Variants in BIRC6 observed in about 807,000 individuals in gnomAD.
The protein encoded by BIRC6 is dual E2 ubiquitin-conjugating enzyme/E3 ubiquitin-protein ligase BIRC6.
Under a neutral mutation model 503.3 loss-of-function variants are expected in BIRC6, and 98 were observed. The observed-to-expected ratio is 0.19, with a 90% CI of 0.17 to 0.23. BIRC6 has a LOEUF of 0.23. Among genes scored for constraint, BIRC6 ranks in the 10% least tolerant of loss-of-function variants. The pLI, the probability that BIRC6 is intolerant of heterozygous loss-of-function variation, is 1.00. For synonymous variants in BIRC6, 2,240 were observed against 2,078.7 expected, an observed-to-expected ratio of 1.08 and a Z score of -2.11; for missense variants, 5,360 against 5,806.0, an observed-to-expected ratio of 0.92 and a Z score of 2.50.
chr2:32,465,138 C>A lies in BIRC6; in HGVS notation c.5330C>A (p.Ser1777Tyr). 1 of 1,593,542 alleles carries A rather than the reference C, an allele frequency of 6.3e-7. No individual in the cohort carries two copies. The highest frequency in any genetic ancestry group is 8.6e-7 in the Non-Finnish European group (1 of 1,167,306). Residue 1777 changes from serine (S) to tyrosine (Y), a missense_variant, in exon 26 of 74, where the codon TCC (serine) becomes TAC (tyrosine). By Grantham distance (144) the Ser-to-Tyr change is moderately radical. Transcript: ENST00000421745. ...TTTCTTCAACCTCCGCCTCACCAGT[C>A]CATTATTATAGAGCGAATGCATTCA... The part of the protein sequence containing the change: ...SHFLQPPPHQ[S>Y]IIIERMHSGA...
intron 61 of BIRC6, among the ~76,000 whole-genome samples, chr2:32,541,451 CTACA>C (rs1180999881): frequency 1.3e-5 from 2 of 152,022 alleles, no homozygotes; most frequent in Non-Finnish European, 2.9e-5. Context: ...CTTAAGACTT[CTACA>C]TATATATGTA....
chr2:32,505,083 G>A lies in BIRC6; in HGVS notation c.9578G>A (p.Arg3193His). The change falls in exon 50 of 74, where the codon CGC (arginine) becomes CAC (histidine). Residue 3193 changes from arginine to histidine, a missense_variant. Physicochemically the swap from Arg to His is conservative, Grantham distance 29 (BLOSUM62 0). Transcript: ENST00000421745. ...GCCACACCTCCTCACAGAAGAGCTC[G>A]CTCTGCTGCTTGGTCCTACATCTTT... ...LQATPPHRRARSAAWSYIFLP... is the reference protein window; with the variant it reads ...LQATPPHRRAHSAAWSYIFLP... 1 of 1,612,954 alleles carries A rather than the reference G, an allele frequency of 6.2e-7. No individual in the cohort carries two copies. The highest frequency in any genetic ancestry group is 8.5e-7 in the Non-Finnish European group (1 of 1,179,448).
chr2:32,519,060 G>A lies in BIRC6; in HGVS notation c.11623+114G>A. On this transcript the variant is annotated intron_variant, in intron 57 of 73. Coordinates refer to ENST00000421745, the MANE Select transcript of BIRC6 (RefSeq NM_016252.4). ...CCACTTTGCAACCATTGATGACTAG[G>A]AAAGTTCAAGACATCTTTATAGTTT... 4 of 1,006,958 alleles carry A rather than the reference G, an allele frequency of 4.0e-6. No homozygotes were observed. In the South Asian group the frequency reaches 5.1e-5, roughly 13 times the overall value. The allele number at this position is 1,006,958 out of a possible 1,614,324, so 62.4% of individuals were successfully genotyped here.
intron 73 of BIRC6, 55 bp from the exon 74 acceptor site, chr2:32,617,670 T>C: frequency 6.6e-7 from 1 of 1,525,286 alleles, no homozygotes; most frequent in Non-Finnish European, 8.9e-7. Context: ...CTGCCTCAAA[T>C]GATGTTGTGC....
intron 63 of BIRC6, among the ~76,000 whole-genome samples, chr2:32,547,390 AT>A (rs1262130963): frequency 1.3e-5 from 2 of 152,144 alleles, no homozygotes; most frequent in Non-Finnish European, 2.9e-5. Context: ...GCCCCTGGCA[AT>A]TACCAGTCTG....
At chr2:32,492,748 C>G (rs1326523600) in intron 44 of BIRC6, among the ~76,000 whole-genome samples, 1 of 151,736 alleles carries the variant, frequency 6.6e-6, no homozygotes, top group Non-Finnish European at 1.5e-5. Flanking sequence ...CTACTGATAC[C>G]TTGGTTTTAT....
intron 45 of BIRC6, among the ~76,000 whole-genome samples, chr2:32,494,631 G>A (rs2052205030): frequency 6.6e-6 from 1 of 152,016 alleles, no homozygotes. Context: ...GCTGGGCTCA[G>A]TGGCTCACGC....
chr2:32,515,329 G>C lies in BIRC6; in HGVS notation c.10908G>C (p.Val3636=), dbSNP rs751713660. The part of the protein sequence containing the change: ...LLDSGLPSLL[V]RSLASFCFSH... ...ACTCAGGTTTGCCTTCTCTTCTTGT[G>C]AGGAGTCTGGCTAGTTTCTGCTTTA... Residue 3636 remains valine, a synonymous_variant, in exon 55 of 74, where the codon GTG becomes GTC. Coordinates refer to ENST00000421745, the MANE Select transcript of BIRC6 (RefSeq NM_016252.4). 2 of 1,613,826 alleles carry C rather than the reference G, an allele frequency of 1.2e-6. No individual in the cohort carries two copies. The highest frequency in any genetic ancestry group is 2.2e-5 in the South Asian group (2 of 91,082).
chr2:32,478,563 T>TCAGTGTTAA (rs1416749278), intron 35 of BIRC6, 72 bp from the exon 36 acceptor site: 2 of 1,357,540 alleles, frequency 1.5e-6, no homozygotes, highest in African/African-American at 2.9e-5. Context: ...AAAGTATTGG[T>TCAGTGTTAA]AGACTTCTGT....
chr2:32,573,819 C>G (rs1332737132), intron 65 of BIRC6, among the ~76,000 whole-genome samples: 1 of 152,092 alleles, frequency 6.6e-6, no homozygotes, highest in African/African-American at 2.4e-5. Flanking sequence ...TTCGTTTTCA[C>G]AAAAGATAAA....
intron 37 of BIRC6, 123 bp from the exon 38 acceptor site, chr2:32,481,197 G>T (rs915547430): frequency 2.5e-6 from 2 of 798,974 alleles, no homozygotes; most frequent in South Asian, 2.9e-5. Context: ...TGCATACATA[G>T]AGTTTTTTTT....
chr2:32,501,690 G>A (rs2053215888), intron 46 of BIRC6, 23 bp from the exon 47 acceptor site: 1 of 1,596,224 alleles, frequency 6.3e-7, no homozygotes, highest in African/African-American at 1.4e-5. Context: ...TACTTTTAAT[G>A]TGGTATCTTT....
intron 61 of BIRC6, among the ~76,000 whole-genome samples, chr2:32,541,703 A>G (rs1297353333): frequency 6.6e-6 from 1 of 152,164 alleles, no homozygotes; most frequent in Admixed American, 6.5e-5. Flanking sequence ...GTCAAGCAAG[A>G]TAAGTAGAGT....
Position 32,503,046 on chromosome 2 carries a change from T to C in BIRC6, c.9309T>C (p.Gly3103=). The C allele has an allele frequency of 6.3e-7, 1 of 1,583,062 alleles. No homozygotes were observed. Among genetic ancestry groups the C allele is most frequent in the Non-Finnish European group, 8.6e-7 (1 of 1,164,104 alleles). Reference sequence around the variant, plus strand: ...TCATATTCTTTATAAATTTAGGTGGTGTTCAGCTCATATGCAATAATATGG... The same window carrying C: ...TCATATTCTTTATAAATTTAGGTGGCGTTCAGCTCATATGCAATAATATGG... ...DALKAFHDMG[G]VQLICNNMVT... The change falls in exon 49 of 74, where the codon GGT becomes GGC. Residue 3103 remains glycine (G), a synonymous_variant. Transcript: ENST00000421745.
chr2:32,617,854 C>A lies in BIRC6; in HGVS notation c.14524C>A (p.Gln4842Lys). The A allele has an allele frequency of 6.2e-7, 1 of 1,613,912 alleles. No homozygotes were observed. The highest frequency in any genetic ancestry group is 8.5e-7 in the Non-Finnish European group (1 of 1,179,838). The change falls in exon 74 of 74, where the codon CAG becomes AAG. Residue 4842 changes from glutamine (Q) to lysine (K), a missense_variant. Gln to Lys is a moderately conservative substitution (Grantham distance 53, BLOSUM62 1). Coordinates refer to ENST00000421745, the MANE Select transcript of BIRC6 (RefSeq NM_016252.4). ...TGCTGAGGAGACTCTAATGCATGAT[C>A]AGGTTAAACCCAGCAGCAGCAAAGA... ...TGAEETLMHD[Q>K]VKPSSSKELP...
chr2:32,547,208 A>G (rs1011974590), intron 63 of BIRC6, among the ~76,000 whole-genome samples: 1 of 152,168 alleles, frequency 6.6e-6, no homozygotes, highest in Admixed American at 6.5e-5. Flanking sequence ...TCATATCTGT[A>G]TTCTTTTCAC....
At chr2:32,532,190 C>G in intron 61 of BIRC6, 1 of 436,898 alleles carries the variant, frequency 2.3e-6, no homozygotes, top group Non-Finnish European at 4.7e-6. Context: ...GGTATAGTAG[C>G]TCTAGACTCT....
rs774046463 is a variant in BIRC6 at position 32,415,514 on chromosome 2, C to T, written c.2223C>T (p.Asp741=). 20 of 1,613,874 alleles carry T rather than the reference C, an allele frequency of 1.2e-5. No homozygotes were observed. The highest frequency in any genetic ancestry group is 6.7e-5 in the Admixed American group (4 of 59,996). ...LCIDSITPCA[D]GIHLLVGLRT... ...TAGACTCAATAACTCCTTGTGCTGA[C>T]GGAATTCATTTGTTGGTAGGACTGC... Residue 741 remains aspartate, a synonymous_variant, in exon 10 of 74, where the codon GAC becomes GAT. Transcript: ENST00000421745.
chr2:32,359,701 A>T (rs926013153), intron 1 of BIRC6, among the ~76,000 whole-genome samples: 1 of 152,048 alleles, frequency 6.6e-6, no homozygotes, highest in African/African-American at 2.4e-5. Flanking sequence ...AAACATTTTC[A>T]TATATGAGAA....
Sources: gnomAD v4.1 joint callset for allele counts (sites outside exome capture counted in the v4.1 genomes callset) on GRCh38, gnomAD v4.1.1 for gene constraint, MANE v1.5 for transcripts, NCBI Gene and HGNC (gene_info 2026-07-23, HGNC 2026-07-21) for gene names.